Variants in SYT1 observed in about 807,000 individuals in gnomAD.
SYT1 encodes synaptotagmin-1.
Under a neutral mutation model 44.8 loss-of-function variants are expected in SYT1, and 8 were observed. The observed-to-expected ratio is 0.18, with a 90% CI of 0.10 to 0.32. The LOEUF is 0.32. Among genes scored for constraint, SYT1 ranks in the 10% least tolerant of loss-of-function variants. SYT1 has a pLI of 1.00. For synonymous variants in SYT1, 154 were observed against 188.8 expected, an observed-to-expected ratio of 0.82 and a Z score of 1.51; for missense variants, 286 against 509.3, an observed-to-expected ratio of 0.56 and a Z score of 4.22.
chr12:79,288,926 T>C (rs1182338026), intron 5 of SYT1, among the ~76,000 whole-genome samples: 1 of 152,096 alleles, frequency 6.6e-6, no homozygotes, highest in African/African-American at 2.4e-5. Context: ...CAGCTGAGGG[T>C]ATATCATTCT....
chr12:78,908,365 G>A, intron 1 of SYT1, among the ~76,000 whole-genome samples: 1 of 128,800 alleles, frequency 7.8e-6, no homozygotes, highest in Non-Finnish European at 1.8e-5. Flanking sequence ...TTTGAAGACG[G>A]ATCAGTTTTT....
intron 10 of SYT1, among the ~76,000 whole-genome samples, chr12:79,445,102 A>C (rs2136203598): frequency 6.6e-6 from 1 of 152,270 alleles, no homozygotes; most frequent in Non-Finnish European, 1.5e-5. Context: ...AACAAAGAGC[A>C]GACATCAAAC....
At position 78,947,773 on chromosome 12, in the gene SYT1, G is replaced by A. The variant is rs145630734; in HGVS notation, c.-216-30026G>A. Among the ~76,000 whole-genome samples the A allele has an allele frequency of 1.4e-3, 206 of 150,216 alleles. 2 individuals carry two copies. Among genetic ancestry groups the A allele is most frequent in the African/African-American group, 4.7e-3 (192 of 40,952 alleles). ...TATTTTAATTGGTTTAAAAAAGCTC[G>A]AGTCTATTCCAGGAGGGATTGTTTA... On this transcript the variant is annotated intron_variant, in intron 1 of 10. Transcript: ENST00000261205.
intron 2 of SYT1, among the ~76,000 whole-genome samples, chr12:79,008,575 G>A (rs1871232115): frequency 6.6e-6 from 1 of 152,120 alleles, no homozygotes; most frequent in Admixed American, 6.6e-5. Context: ...CTATAATAGT[G>A]GCTGTGAGAA....
At chr12:79,166,323 G>T (rs1871220878) in intron 3 of SYT1, among the ~76,000 whole-genome samples, 1 of 151,850 alleles carries the variant, frequency 6.6e-6, no homozygotes, top group Admixed American at 6.6e-5. Context: ...TATCATAATT[G>T]CAATAGAATA....
At chr12:79,103,513 A>T (rs1221352824) in intron 3 of SYT1, among the ~76,000 whole-genome samples, 3 of 152,154 alleles carry the variant, frequency 2.0e-5, no homozygotes, top group African/African-American at 4.8e-5. Flanking sequence ...AATTTTTTTT[A>T]AAAAACTGAC....
At position 79,179,428 on chromosome 12, in the gene SYT1, A is replaced by AGATATAGATATATC. The variant is rs1321026041; in HGVS notation, c.-17-38075_-17-38074insGATATAGATATATC. 1.4e-3 allele frequency among the ~76,000 whole-genome samples: 43 copies of AGATATAGATATATC among 29,666 alleles called. 5 individuals are homozygous for AGATATAGATATATC. The highest frequency in any genetic ancestry group is 4.4e-3 in the African/African-American group (41 of 9,308). The allele number at this position is 29,666 out of a possible 152,430, so 19.5% of individuals were successfully genotyped here. ...TAGATATAGATATAGATATATCTAT[A>AGATATAGATATATC]TAGATATATCCATATAGATATAGAT... On this transcript the variant is annotated intron_variant, in intron 3 of 10. Transcript: ENST00000261205.
intron 2 of SYT1, among the ~76,000 whole-genome samples, chr12:79,019,522 T>C (rs1213914088): frequency 1.3e-5 from 2 of 151,982 alleles, no homozygotes; most frequent in Non-Finnish European, 2.9e-5. Flanking sequence ...AGTGCCTACC[T>C]ACCACAGTTG....
chr12:79,144,024 G>A (rs912770770), intron 3 of SYT1, among the ~76,000 whole-genome samples: 4 of 152,134 alleles, frequency 2.6e-5, no homozygotes, highest in African/African-American at 9.7e-5. Flanking sequence ...TTAGGTACTG[G>A]GGAAGATAAA....
intron 9 of SYT1, among the ~76,000 whole-genome samples, chr12:79,372,661 G>A (rs188336615): frequency 6.6e-6 from 1 of 152,178 alleles, no homozygotes; most frequent in South Asian, 2.1e-4. Context: ...TGCTTAAAGT[G>A]AACTGAAGCT....
At chr12:79,208,270 T>C (rs943038402) in intron 3 of SYT1, among the ~76,000 whole-genome samples, 1 of 152,130 alleles carries the variant, frequency 6.6e-6, no homozygotes, top group Non-Finnish European at 1.5e-5. Context: ...GTTTCCATAA[T>C]GGGAGGAAGG....
intron 1 of SYT1, among the ~76,000 whole-genome samples, chr12:78,899,497 A>C (rs1565708175): frequency 1.3e-5 from 2 of 152,084 alleles, no homozygotes; most frequent in Admixed American, 1.3e-4. Flanking sequence ...TGAATGTATT[A>C]TAAGGTAAAA....
At chr12:79,435,822 T>A (rs1213833091) in intron 9 of SYT1, among the ~76,000 whole-genome samples, 2 of 152,204 alleles carry the variant, frequency 1.3e-5, no homozygotes, top group Non-Finnish European at 2.9e-5. Context: ...ATCCCTGGCC[T>A]CTAGTGCCTA....
intron 4 of SYT1, among the ~76,000 whole-genome samples, chr12:79,259,750 A>G (rs1482395139): frequency 6.6e-6 from 1 of 152,094 alleles, no homozygotes; most frequent in African/African-American, 2.4e-5. Flanking sequence ...AAACAAAAAA[A>G]CTCATATTTA....
intron 4 of SYT1, among the ~76,000 whole-genome samples, chr12:79,277,440 G>A (rs1028819534): frequency 2.0e-5 from 3 of 152,144 alleles, no homozygotes; most frequent in South Asian, 2.1e-4. Context: ...TAAAGGTGAA[G>A]TAAAGTCATT....
chr12:78,912,245 A>G (rs1434569983), intron 1 of SYT1, among the ~76,000 whole-genome samples: 3 of 151,914 alleles, frequency 2.0e-5, no homozygotes, highest in East Asian at 3.9e-4. Context: ...TCTTTAAGAA[A>G]TGAATACCTA....
intron 9 of SYT1, among the ~76,000 whole-genome samples, chr12:79,420,012 CGTT>C (rs1289233563): frequency 1.3e-5 from 2 of 152,056 alleles, no homozygotes. Context: ...ATTAAAGTAA[CGTT>C]GTTACTTTTT....
chr12:79,372,254 G>A (rs368153966), intron 9 of SYT1, among the ~76,000 whole-genome samples: 10 of 152,080 alleles, frequency 6.6e-5, no homozygotes, highest in Admixed American at 3.9e-4. Flanking sequence ...TAAATTAAAT[G>A]AAAACTCGAA....
intron 8 of SYT1, among the ~76,000 whole-genome samples, chr12:79,301,570 G>C (rs1880153802): frequency 6.6e-6 from 1 of 152,066 alleles, no homozygotes; most frequent in Non-Finnish European, 1.5e-5. Context: ...ACCCAGCATA[G>C]AGTCTGGCAT....
Sources: allele counts gnomAD v4.1 joint callset (sites outside exome capture counted in the v4.1 genomes callset), GRCh38; gene constraint gnomAD v4.1.1; transcripts MANE v1.5; gene names NCBI Gene and HGNC (gene_info 2026-07-23, HGNC 2026-07-21).